The following CDH12 variants were observed in gnomAD, a reference collection of about 807,000 sequenced individuals.
CDH12 encodes the protein cadherin-12.
In CDH12, 41 loss-of-function variants were observed where a neutral mutation model predicts 74.1. The ratio of observed to expected loss-of-function variants is 0.55; its 90% CI spans 0.43 to 0.72. The LOEUF is 0.72. Among genes scored for constraint, CDH12 ranks in the 30% least tolerant of loss-of-function variants. The probability of loss-of-function intolerance (pLI) is 0.00; values close to 1 mark genes in which losing one functional copy is unlikely to be tolerated. For missense variants in CDH12, 945 were observed against 977.2 expected (o/e 0.97, Z 0.44); for synonymous variants, 399 against 355.0 (o/e 1.12, Z -1.39).
At chr5:22,616,961 C>T (rs923199221) in intron 1 of CDH12, among the ~76,000 whole-genome samples, 1 of 151,966 alleles carries the variant, frequency 6.6e-6, no homozygotes, top group Non-Finnish European at 1.5e-5. Flanking sequence ...AACTCCTGGG[C>T]TCAAGTAATC....
At chr5:22,045,279 G>A (rs1031550193) in intron 5 of CDH12, among the ~76,000 whole-genome samples, 8 of 152,094 alleles carry the variant, frequency 5.3e-5, no homozygotes, top group African/African-American at 1.9e-4. Context: ...TTATCAAAAA[G>A]ACAATAGATA....
At chr5:22,221,794 C>T (rs1752024920) in intron 3 of CDH12, among the ~76,000 whole-genome samples, 1 of 151,796 alleles carries the variant, frequency 6.6e-6, no homozygotes, top group Non-Finnish European at 1.5e-5. Context: ...CTCATTTGAT[C>T]AAAAGAAACT....
intron 1 of CDH12, among the ~76,000 whole-genome samples, chr5:22,743,280 ATGTATATATATGTATATGTATATATATG>A (rs1745125481): frequency 7.3e-6 from 1 of 137,236 alleles, no homozygotes; most frequent in Non-Finnish European, 1.6e-5. Context: ...ATATATATAT[ATGTATATATATGTATATGTATATATATG>A]TATATGTATA....
chr5:22,676,335 T>G (rs1741188207), intron 1 of CDH12, among the ~76,000 whole-genome samples: 1 of 152,204 alleles, frequency 6.6e-6, no homozygotes, highest in Admixed American at 6.5e-5. Context: ...TGAATTTTGC[T>G]TATGGCACAA....
chr5:21,965,871 A>G (rs1756559200), intron 6 of CDH12, among the ~76,000 whole-genome samples: 1 of 152,136 alleles, frequency 6.6e-6, no homozygotes, highest in Non-Finnish European at 1.5e-5. Context: ...TGTTCTTTCA[A>G]CATTTTTAGT....
chr5:22,237,591 C>T (rs575461005), intron 3 of CDH12, among the ~76,000 whole-genome samples: 12 of 152,000 alleles, frequency 7.9e-5, no homozygotes, highest in African/African-American at 2.9e-4. Context: ...TGCCAGTGCC[C>T]AGCCTCCAGA....
At chr5:22,216,753 G>A (rs1271952661) in intron 3 of CDH12, among the ~76,000 whole-genome samples, 9 of 151,828 alleles carry the variant, frequency 5.9e-5, no homozygotes, top group Non-Finnish European at 1.0e-4. Context: ...ATACTCATGA[G>A]TTTAAGATAA....
chr5:22,028,264 A>T (rs1406219566), intron 5 of CDH12, among the ~76,000 whole-genome samples: 1 of 152,150 alleles, frequency 6.6e-6, no homozygotes, highest in East Asian at 1.9e-4. Flanking sequence ...TGGCCAGGGC[A>T]ATTAGGCAGG....
intron 2 of CDH12, among the ~76,000 whole-genome samples, chr5:22,415,494 G>C (rs1480469285): frequency 6.6e-6 from 1 of 152,178 alleles, no homozygotes; most frequent in Non-Finnish European, 1.5e-5. Context: ...ACAAAGGCTT[G>C]AAAAGTTCTT....
chr5:22,539,562 G>A (rs1353901237), intron 1 of CDH12, among the ~76,000 whole-genome samples: 2 of 152,188 alleles, frequency 1.3e-5, no homozygotes, highest in Non-Finnish European at 2.9e-5. Context: ...CACAAGGTCT[G>A]TGCTGTCGAG....
chr5:22,786,740 T>A (rs923706789), intron 1 of CDH12, among the ~76,000 whole-genome samples: 3 of 151,848 alleles, frequency 2.0e-5, no homozygotes, highest in African/African-American at 7.3e-5. Context: ...CTTTTTGAGA[T>A]GGTGTTTCAC....
chr5:21,883,903 T>C, intron 6 of CDH12: 1 of 1,608,102 alleles, frequency 6.2e-7, no homozygotes, highest in South Asian at 1.1e-5. Context: ...GGCATTGTTT[T>C]GGGAGGGGGT....
At chr5:21,770,902 C>A (rs903253038) in intron 11 of CDH12, among the ~76,000 whole-genome samples, 4 of 152,066 alleles carry the variant, frequency 2.6e-5, no homozygotes, top group African/African-American at 9.7e-5. Flanking sequence ...AAGATCATGA[C>A]CTTTGCGGAA....
At chr5:21,928,339 G>T (rs1208259555) in intron 6 of CDH12, among the ~76,000 whole-genome samples, 2 of 152,198 alleles carry the variant, frequency 1.3e-5, no homozygotes, top group African/African-American at 4.8e-5. Flanking sequence ...CACCTTCAGT[G>T]TTCCTAGCAT....
At chr5:21,847,681 A>T (rs956160130) in intron 7 of CDH12, among the ~76,000 whole-genome samples, 2 of 152,108 alleles carry the variant, frequency 1.3e-5, no homozygotes, top group Non-Finnish European at 2.9e-5. Flanking sequence ...ACTATATGTG[A>T]TTAGAACCTT....
chr5:22,496,378 T>C (rs1747106446), intron 2 of CDH12, among the ~76,000 whole-genome samples: 1 of 152,168 alleles, frequency 6.6e-6, no homozygotes, highest in African/African-American at 2.4e-5. Flanking sequence ...CTAGGGAAAA[T>C]GTTGCAACAT....
chr5:22,689,429 T>C (rs1412548722), intron 1 of CDH12, among the ~76,000 whole-genome samples: 1 of 152,114 alleles, frequency 6.6e-6, no homozygotes, highest in East Asian at 1.9e-4. Context: ...GTACACAATA[T>C]ACAGGGTACA....
chr5:21,880,591 CCTT>C (rs1256283505), intron 6 of CDH12, among the ~76,000 whole-genome samples: 17 of 52,548 alleles, frequency 3.2e-4, no homozygotes, highest in Non-Finnish European at 5.1e-4. Flanking sequence ...TTCCTTCCTT[CCTT>C]CCTTCCTTCC....
At position 22,098,211 on chromosome 5, in the gene CDH12, A is replaced by C. The variant is rs574971214; in HGVS notation, c.-186-19349T>G. 5.3e-3 allele frequency among the ~76,000 whole-genome samples: 814 copies of C among 152,224 alleles called. 7 individuals carry two copies. Among genetic ancestry groups the C allele is most frequent in the African/African-American group, 0.018 (748 of 41,530 alleles). ...TGGGCTGTACTGCTGCAAGTCTTCA[A>C]AGACAGCCCCCATTACTTCAGTCAA... On this transcript the variant is annotated intron_variant, in intron 4 of 14. Coordinates refer to ENST00000382254, the MANE Select transcript of CDH12 (RefSeq NM_004061.5).
Sources: gnomAD v4.1 joint callset for allele counts (sites outside exome capture counted in the v4.1 genomes callset) on GRCh38, gnomAD v4.1.1 for gene constraint, MANE v1.5 for transcripts, NCBI Gene and HGNC (gene_info 2026-07-23, HGNC 2026-07-21) for gene names.